The following ZFHX4 variants were observed in gnomAD, a reference collection of about 807,000 sequenced individuals.
ZFHX4 encodes the protein zinc finger homeobox 4.
A neutral mutation model predicts 267.6 loss-of-function variants in ZFHX4; 56 were observed. The observed-to-expected ratio is 0.21, with a 90% CI of 0.17 to 0.26. The LOEUF (loss-of-function observed/expected upper bound fraction) is 0.26. Ranked by LOEUF, ZFHX4 falls within the 10% of genes least tolerant of loss-of-function variation. The probability of loss-of-function intolerance (pLI) is 1.00; values close to 1 mark genes in which losing one functional copy is unlikely to be tolerated. For synonymous variants in ZFHX4, 1,778 were observed against 1,665.6 expected (o/e 1.07, Z -1.64); for missense variants, 4,332 against 4,420.0 (o/e 0.98, Z 0.56).
At chr8:76,796,337 G>A (rs551470885) in intron 4 of ZFHX4, among the ~76,000 whole-genome samples, 10 of 152,242 alleles carry the variant, frequency 6.6e-5, no homozygotes, top group African/African-American at 2.4e-4. Context: ...AATATGTAGA[G>A]ATAGATGCTA....
intron 4 of ZFHX4, among the ~76,000 whole-genome samples, chr8:76,808,198 C>T (rs980462713): frequency 6.6e-6 from 1 of 152,058 alleles, no homozygotes; most frequent in Non-Finnish European, 1.5e-5. Flanking sequence ...AAAACTTTTA[C>T]TAGTCAATTG....
chr8:76,836,950 A>G (rs1812107709), intron 5 of ZFHX4, among the ~76,000 whole-genome samples: 1 of 152,068 alleles, frequency 6.6e-6, no homozygotes, highest in Non-Finnish European at 1.5e-5. Context: ...GAAAGAGAAG[A>G]CTAAGGGATG....
chr8:76,832,864 T>C (rs1365035903), intron 4 of ZFHX4, among the ~76,000 whole-genome samples: 1 of 152,206 alleles, frequency 6.6e-6, no homozygotes, highest in Non-Finnish European at 1.5e-5. Context: ...TGACTTGGAC[T>C]TATTCTTCAG....
In ZFHX4 at chr8:76,705,832, G is replaced by A. The variant is rs1333886732; in HGVS notation, c.1744G>A (p.Glu582Lys). 1.9e-6 allele frequency: 3 copies of A among 1,613,876 alleles called. No individual in the cohort carries two copies. The highest frequency in any genetic ancestry group is 2.2e-5 in the East Asian group (1 of 44,840). Residue 582 changes from glutamate to lysine, a missense_variant, in exon 2 of 11, where the codon GAA (glutamate) becomes AAA (lysine). By Grantham distance (56) the Glu-to-Lys change is moderately conservative (BLOSUM62 1). Coordinates refer to ENST00000651372, the MANE Select transcript of ZFHX4 (RefSeq NM_024721.5). ...AHPSEIARGD[E>K]DSSATPHQHG... Reference sequence around the variant, plus strand: ...TCCAAGTGAAATAGCCCGGGGAGACGAAGACAGTTCAGCCACTCCTCACCA... The same window carrying A: ...TCCAAGTGAAATAGCCCGGGGAGACAAAGACAGTTCAGCCACTCCTCACCA...
In ZFHX4 at chr8:76,794,404, G is replaced by A. The variant is rs564288079; in HGVS notation, c.3325+15965G>A. Among the ~76,000 whole-genome samples the A allele has an allele frequency of 1.5e-3, 235 of 152,214 alleles. 1 individual carries two copies. Among genetic ancestry groups the A allele is most frequent in the African/African-American group, 5.5e-3 (227 of 41,550 alleles). ...TTCTTATGCATTTCATGTATAAGAA[G>A]AGGTTCACATATACAGAATCCAGGA... On this transcript the variant is annotated intron_variant, in intron 4 of 10. Transcript: ENST00000651372.
chr8:76,696,768 A>G (rs533044180), intron 1 of ZFHX4, among the ~76,000 whole-genome samples: 3 of 151,952 alleles, frequency 2.0e-5, no homozygotes, highest in Non-Finnish European at 4.4e-5. Flanking sequence ...TTGTCATTCT[A>G]CTTATGTTCT....
At chr8:76,803,557 C>T (rs1418256484) in intron 4 of ZFHX4, among the ~76,000 whole-genome samples, 1 of 152,062 alleles carries the variant, frequency 6.6e-6, no homozygotes, top group Non-Finnish European at 1.5e-5. Flanking sequence ...ACAGTGTAGT[C>T]AATGTTATCA....
chr8:76,817,363 C>A (rs922912607), intron 4 of ZFHX4, among the ~76,000 whole-genome samples: 9 of 152,012 alleles, frequency 5.9e-5, no homozygotes, highest in African/African-American at 1.9e-4. Flanking sequence ...GATATTGATC[C>A]TTTGAAGATT....
Position 76,704,623 on chromosome 8 carries a change from C to A in ZFHX4, c.535C>A (p.Gln179Lys). The A allele has an allele frequency of 6.2e-7, 1 of 1,613,972 alleles. No individual in the cohort carries two copies. Among genetic ancestry groups the A allele is most frequent in the South Asian group, 1.1e-5 (1 of 91,050 alleles). Reference protein sequence around the residue: ...SLASAGEKSDQSASAPMSFYP... With the variant: ...SLASAGEKSDKSASAPMSFYP... Reference sequence around the variant, plus strand: ...GGCATCTGCTGGAGAGAAGAGTGATCAGTCTGCTTCTGCACCTATGTCGTT... The same window carrying A: ...GGCATCTGCTGGAGAGAAGAGTGATAAGTCTGCTTCTGCACCTATGTCGTT... The change falls in exon 2 of 11, where the codon CAG (glutamine) becomes AAG (lysine). Residue 179 changes from glutamine to lysine, a missense_variant. Around this residue, in one of 7 missense-constraint regions of ZFHX4, gnomAD observed 1,195 missense variants for 1,173.6 expected, o/e 1.02. Coordinates refer to ENST00000651372, the MANE Select transcript of ZFHX4 (RefSeq NM_024721.5).
At chr8:76,767,195 TAC>T (rs200704215) in intron 3 of ZFHX4, among the ~76,000 whole-genome samples, 344 of 152,232 alleles carry the variant, frequency 2.3e-3, no homozygotes, top group African/African-American at 7.8e-3. Context: ...GTGTTAATTT[TAC>T]AGAGACTCAG....
In ZFHX4 at chr8:76,854,166, G is replaced by A. The variant is rs778144428; in HGVS notation, c.7245G>A (p.Gln2415=). Reference sequence around the variant, plus strand: ...AATATCCCGCAGAAAAGCCAAAGCAGAGTGACCCCTCTCCCCCTTCTCAAG... The same window carrying A: ...AATATCCCGCAGAAAAGCCAAAGCAAAGTGACCCCTCTCCCCCTTCTCAAG... The part of the protein sequence containing the change: ...KPEYPAEKPK[Q]SDPSPPSQGT... Residue 2415 remains glutamine (Q), a synonymous_variant, in exon 10 of 11, where the codon CAG becomes CAA. Transcript: ENST00000651372. The A allele has an allele frequency of 5.0e-6, 8 of 1,597,218 alleles. No individual in the cohort carries two copies. The highest frequency in any genetic ancestry group is 1.1e-5 in the South Asian group (1 of 89,642).
At chr8:76,823,261 CTT>C (rs1390458598) in intron 4 of ZFHX4, among the ~76,000 whole-genome samples, 2 of 151,816 alleles carry the variant, frequency 1.3e-5, no homozygotes. Context: ...CCAAGGAACT[CTT>C]TGCCAATACA....
intron 1 of ZFHX4, among the ~76,000 whole-genome samples, chr8:76,695,320 C>T (rs1053109551): frequency 1.8e-4 from 27 of 152,292 alleles, no homozygotes; most frequent in South Asian, 4.1e-4. Flanking sequence ...CCACTAAATA[C>T]GCATATATGG....
At chr8:76,792,707 A>G (rs530427249) in intron 4 of ZFHX4, among the ~76,000 whole-genome samples, 7 of 152,334 alleles carry the variant, frequency 4.6e-5, no homozygotes, top group African/African-American at 1.2e-4. Context: ...CAAAGTTGTA[A>G]CAAGGTGCCC....
chr8:76,857,623 C>G (rs1812767618), intron 10 of ZFHX4, among the ~76,000 whole-genome samples: 1 of 151,922 alleles, frequency 6.6e-6, no homozygotes, highest in African/African-American at 2.4e-5. Context: ...TTGAGAGAAG[C>G]AGAATGGAAC....
chr8:76,796,999 G>A (rs763668607), intron 4 of ZFHX4, among the ~76,000 whole-genome samples: 10 of 151,998 alleles, frequency 6.6e-5, no homozygotes, highest in South Asian at 2.1e-4. Context: ...CTCCTCTAAC[G>A]TAAAGCGACC....
intron 9 of ZFHX4, 108 bp downstream of exon 9, chr8:76,850,470 G>A: frequency 4.4e-6 from 4 of 904,776 alleles, no homozygotes; most frequent in South Asian, 1.8e-5. Flanking sequence ...AAGCATAGGG[G>A]AAAAATGTAT....
At chr8:76,754,420 TG>T (rs1473361127) in intron 3 of ZFHX4, among the ~76,000 whole-genome samples, 1 of 151,716 alleles carries the variant, frequency 6.6e-6, no homozygotes, top group African/African-American at 2.4e-5. Context: ...GACCAAGAGG[TG>T]GTGGTTGTAG....
intron 4 of ZFHX4, among the ~76,000 whole-genome samples, chr8:76,819,686 A>T (rs1028745375): frequency 6.6e-6 from 1 of 152,242 alleles, no homozygotes; most frequent in Admixed American, 6.5e-5. Context: ...AGTATTGTGC[A>T]ACCGTTTCAC....
Sources: allele counts gnomAD v4.1 joint callset (sites outside exome capture counted in the v4.1 genomes callset), GRCh38; gene constraint gnomAD v4.1.1; regional missense constraint gnomAD v4.1.1; transcripts MANE v1.5; gene names NCBI Gene and HGNC (gene_info 2026-07-23, HGNC 2026-07-21).